Variants in ATXN1 observed in about 807,000 individuals in gnomAD.
The protein encoded by ATXN1 is ataxin 1, also known as ataxin-1.
Under a neutral mutation model 56.4 loss-of-function variants are expected in ATXN1, and 8 were observed. The ratio of observed to expected loss-of-function variants is 0.14; its 90% CI spans 0.08 to 0.26. ATXN1 has a LOEUF of 0.26. Among genes scored for constraint, ATXN1 ranks in the 10% least tolerant of loss-of-function variants. The pLI, the probability that ATXN1 is intolerant of heterozygous loss-of-function variation, is 1.00. For synonymous variants in ATXN1, 514 were observed against 494.6 expected (o/e 1.04, Z -0.52); for missense variants, 987 against 1,106.5 (o/e 0.89, Z 1.53).
intron 6 of ATXN1, among the ~76,000 whole-genome samples, chr6:16,356,369 T>G (rs1020733504): frequency 1.3e-5 from 2 of 152,122 alleles, no homozygotes; most frequent in Admixed American, 1.3e-4. Flanking sequence ...TCACACTGAG[T>G]TTCAAAGCAA....
At chr6:16,605,723 G>A (rs1364957285) in intron 3 of ATXN1, among the ~76,000 whole-genome samples, 1 of 152,078 alleles carries the variant, frequency 6.6e-6, no homozygotes, top group Non-Finnish European at 1.5e-5. Context: ...AAAAATGCAG[G>A]TTATTCAAGC....
intron 6 of ATXN1, among the ~76,000 whole-genome samples, chr6:16,368,776 A>T (rs1258285119): frequency 2.6e-5 from 4 of 152,230 alleles, no homozygotes; most frequent in Non-Finnish European, 4.4e-5. Context: ...ATTAGATTCC[A>T]CATGTCTTAA....
At chr6:16,452,950 GT>G (rs1759782586) in intron 6 of ATXN1, among the ~76,000 whole-genome samples, 1 of 152,172 alleles carries the variant, frequency 6.6e-6, no homozygotes, top group South Asian at 2.1e-4. Context: ...TTTAGGAATT[GT>G]TTACCTCCTT....
At chr6:16,619,015 A>C (rs1763270854) in intron 3 of ATXN1, among the ~76,000 whole-genome samples, 1 of 152,184 alleles carries the variant, frequency 6.6e-6, no homozygotes, top group Admixed American at 6.5e-5. Context: ...AATGTAAAAA[A>C]CAGAGAAACA....
chr6:16,306,101 C>T lies in ATXN1; in HGVS notation c.*228G>A, dbSNP rs887380685. On this transcript the variant is annotated 3_prime_UTR_variant, in exon 8 of 8. Coordinates refer to ENST00000436367, the MANE Select transcript of ATXN1 (RefSeq NM_001128164.2). This position sits in a 1 kb window ranked among gnomAD's most constrained non-coding sequence, Gnocchi z 5.2. ...CCCCGGGGATGCCTGGAGCCCTGAC[C>T]GCTCCTGCTGTGCCCTTCCTCCCGC... 4.6e-6 allele frequency: 2 copies of T among 438,096 alleles called. No homozygotes were observed. The highest frequency in any genetic ancestry group is 4.0e-6 in the Non-Finnish European group (1 of 248,368). 27.1% of individuals were successfully genotyped at this position (438,096 alleles called of 1,614,324 possible).
intron 6 of ATXN1, among the ~76,000 whole-genome samples, chr6:16,447,773 T>C (rs941905012): frequency 1.3e-5 from 2 of 152,228 alleles, no homozygotes; most frequent in Non-Finnish European, 2.9e-5. Context: ...GGATTTCTAA[T>C]TTAATCTTTA....
At chr6:16,555,459 A>T (rs1418477073) in intron 4 of ATXN1, among the ~76,000 whole-genome samples, 1 of 152,174 alleles carries the variant, frequency 6.6e-6, no homozygotes, top group African/African-American at 2.4e-5. Flanking sequence ...CTTCTCCTAA[A>T]CACACCACCT....
chr6:16,699,938 C>T (rs886301779), intron 2 of ATXN1, among the ~76,000 whole-genome samples: 7 of 152,018 alleles, frequency 4.6e-5, no homozygotes, highest in South Asian at 2.1e-4. Flanking sequence ...ATTCTTAATC[C>T]GCTCAGGATG....
chr6:16,400,567 T>C (rs1561881727), intron 6 of ATXN1, among the ~76,000 whole-genome samples: 3 of 152,252 alleles, frequency 2.0e-5, no homozygotes, highest in Admixed American at 1.3e-4. Flanking sequence ...ACTATGTGGA[T>C]GACATCTTAC....
intron 3 of ATXN1, among the ~76,000 whole-genome samples, chr6:16,590,448 G>A (rs916988428): frequency 1.3e-5 from 2 of 152,100 alleles, no homozygotes; most frequent in African/African-American, 4.8e-5. Flanking sequence ...CTTTTCTCTT[G>A]CATATTGGCC....
chr6:16,328,459 C>CATCCAG lies in ATXN1; in HGVS notation c.-150_-149insCTGGAT. On this transcript the variant is annotated 5_prime_UTR_variant, in exon 7 of 8. The change creates a new upstream start codon in the 5' untranslated region. Transcript: ENST00000436367. This position sits in a 1 kb window ranked among gnomAD's most constrained non-coding sequence, Gnocchi z 6.2. ...CCCCGTGGGTACAATCCGCCAACAG[C>CATCCAG]AGCTCTGGATGCTGGGAAAGGGAAG... is the stretch of plus-strand genomic sequence containing the variant. 7.8e-7 allele frequency: 1 copy of CATCCAG among 1,284,802 alleles called. No individual in the cohort carries two copies. Among genetic ancestry groups the CATCCAG allele is most frequent in the Non-Finnish European group, 9.9e-7 (1 of 1,008,878 alleles). 79.6% of individuals were successfully genotyped at this position (1,284,802 alleles called of 1,614,324 possible). A position where few individuals can be genotyped will look rare whatever the true frequency, so the allele number is the denominator to read the frequency against.
Position 16,662,611 on chromosome 6 carries a change from G to A in ATXN1, c.-614-4710C>T, listed in dbSNP as rs557018689. On this transcript the variant is annotated intron_variant, in intron 2 of 7. Transcript: ENST00000436367. ...GGCCTCCCAAAGTGCTGGGATTACAGGCGTGGGCCACTGCACCCGGCCATT... is the reference window on the plus strand; with the variant it reads ...GGCCTCCCAAAGTGCTGGGATTACAAGCGTGGGCCACTGCACCCGGCCATT... Among the ~76,000 whole-genome samples the A allele has an allele frequency of 7.2e-4, 109 of 152,352 alleles. 1 individual carries two copies. Among genetic ancestry groups the A allele is most frequent in the African/African-American group, 2.4e-3 (101 of 41,592 alleles).
chr6:16,502,518 A>C (rs914433957), intron 5 of ATXN1, among the ~76,000 whole-genome samples: 1 of 152,216 alleles, frequency 6.6e-6, no homozygotes, highest in Non-Finnish European at 1.5e-5. Flanking sequence ...AAACAAATTG[A>C]AAAACAGTAG....
intron 6 of ATXN1, among the ~76,000 whole-genome samples, chr6:16,446,611 T>G (rs548423804): frequency 1.3e-5 from 2 of 152,382 alleles, no homozygotes; most frequent in South Asian, 4.1e-4. Context: ...TTTAGTCATT[T>G]GCATGAAATA....
chr6:16,331,997 A>G (rs1761004046), intron 6 of ATXN1, among the ~76,000 whole-genome samples: 1 of 152,262 alleles, frequency 6.6e-6, no homozygotes, highest in Non-Finnish European at 1.5e-5. Flanking sequence ...ATCCAAATTT[A>G]TTCTTCTGAA....
chr6:16,554,695 G>A (rs750659219), intron 4 of ATXN1, among the ~76,000 whole-genome samples: 5 of 151,638 alleles, frequency 3.3e-5, no homozygotes, highest in African/African-American at 4.9e-5. Context: ...CTCAGGTGAT[G>A]CACCCACCTC....
chr6:16,631,482 G>A (rs1286031250), intron 3 of ATXN1, among the ~76,000 whole-genome samples: 2 of 152,172 alleles, frequency 1.3e-5, no homozygotes, highest in African/African-American at 4.8e-5. Context: ...ATGGTGCAAA[G>A]CACTAAAATC....
rs553249463 is a variant in ATXN1, at chr6:16,326,182, T to G, written c.1917+212A>C. ...ACTCCATAACTAGCCCCACTCTCCA[T>G]GCATGGAGGTTAATTCATTACACAC... is the stretch of plus-strand genomic sequence containing the variant. On this transcript the variant is annotated intron_variant, in intron 7 of 7. Transcript: ENST00000436367. The surrounding 1 kb of genome is among the most constrained non-coding windows in gnomAD (Gnocchi z 6.6). Among the ~76,000 whole-genome samples the G allele has an allele frequency of 3.3e-5, 5 of 152,302 alleles. No individual in the cohort carries two copies. The highest frequency in any genetic ancestry group is 1.2e-4 in the African/African-American group (5 of 41,556).
intron 6 of ATXN1, among the ~76,000 whole-genome samples, chr6:16,415,217 GT>G (rs1200472588): frequency 6.6e-6 from 1 of 152,060 alleles, no homozygotes; most frequent in Admixed American, 6.6e-5. Flanking sequence ...ACAATAAGTG[GT>G]TTTTTTGTTT....
Sources: allele counts gnomAD v4.1 joint callset (sites outside exome capture counted in the v4.1 genomes callset), GRCh38; gene constraint gnomAD v4.1.1; non-coding constraint Gnocchi (gnomAD v3.1); transcripts MANE v1.5; gene names NCBI Gene and HGNC (gene_info 2026-07-23, HGNC 2026-07-21).